The following GALNTL6 variants were observed in gnomAD, a reference collection of about 807,000 sequenced individuals.
GALNTL6 encodes the protein polypeptide N-acetylgalactosaminyltransferase-like 6.
A neutral mutation model predicts 73.7 loss-of-function variants in GALNTL6; 46 were observed. That is an observed-to-expected ratio of 0.62 (90% CI 0.49 to 0.80). The LOEUF is 0.80. Ranked by LOEUF, GALNTL6 falls within the 30% of genes least tolerant of loss-of-function variation. GALNTL6 has a pLI of 0.00. For synonymous variants in GALNTL6, 259 were observed against 263.7 expected (o/e 0.98, Z 0.17); for missense variants, 604 against 755.0 (o/e 0.80, Z 2.34).
chr4:171,914,091 A>G (rs939489550), intron 2 of GALNTL6, among the ~76,000 whole-genome samples: 2 of 152,178 alleles, frequency 1.3e-5, no homozygotes, highest in African/African-American at 2.4e-5. Flanking sequence ...ACAAAAGGAA[A>G]TAAAACACTA....
chr4:172,369,491 C>T (rs1032913556), intron 5 of GALNTL6, among the ~76,000 whole-genome samples: 13 of 152,296 alleles, frequency 8.5e-5, no homozygotes, highest in East Asian at 1.9e-4. Context: ...AGCCCTTGGG[C>T]GGTCGATGGG....
intron 5 of GALNTL6, among the ~76,000 whole-genome samples, chr4:172,508,491 T>G (rs1444300993): frequency 3.7e-5 from 2 of 54,004 alleles, no homozygotes; most frequent in African/African-American, 4.7e-5. Flanking sequence ...TGGTGATTTC[T>G]GAGATTTTGG....
intron 2 of GALNTL6, among the ~76,000 whole-genome samples, chr4:172,007,571 AAATT>A (rs1347216156): frequency 6.6e-5 from 10 of 152,148 alleles, no homozygotes; most frequent in Admixed American, 1.3e-4. Context: ...GTGAAAAAGA[AAATT>A]AATTAACAAC....
intron 2 of GALNTL6, among the ~76,000 whole-genome samples, chr4:171,828,270 C>T (rs1338646543): frequency 6.6e-6 from 1 of 152,174 alleles, no homozygotes; most frequent in Non-Finnish European, 1.5e-5. Flanking sequence ...ATGCTAATCA[C>T]TTGGAGAAGT....
chr4:172,023,895 G>C (rs1264124838), intron 2 of GALNTL6, among the ~76,000 whole-genome samples: 1 of 151,738 alleles, frequency 6.6e-6, no homozygotes, highest in African/African-American at 2.4e-5. Context: ...TTACTTAAAA[G>C]TATAATAATC....
At chr4:172,541,748 T>C (rs1474636325) in intron 5 of GALNTL6, among the ~76,000 whole-genome samples, 1 of 152,180 alleles carries the variant, frequency 6.6e-6, no homozygotes, top group African/African-American at 2.4e-5. Flanking sequence ...GCAGTGTGTT[T>C]ACCGAAGTTG....
intron 12 of GALNTL6, 119 bp downstream of exon 12, chr4:173,021,744 G>T: frequency 9.7e-7 from 1 of 1,033,780 alleles, no homozygotes; most frequent in Non-Finnish European, 1.4e-6. Context: ...CTGTAATCCT[G>T]GCACTCTGGG....
intron 7 of GALNTL6, among the ~76,000 whole-genome samples, chr4:172,844,054 G>A (rs116560658): frequency 0.01 from 1,559 of 152,212 alleles, 33 homozygotes; most frequent in African/African-American, 0.035. Context: ...GTGAGACTCC[G>A]TCTTGAAAAA....
intron 3 of GALNTL6, among the ~76,000 whole-genome samples, chr4:172,294,126 C>G (rs1739576108): frequency 6.6e-6 from 1 of 151,782 alleles, no homozygotes; most frequent in Non-Finnish European, 1.5e-5. Context: ...TCTTTTACTT[C>G]TTTATTGAAA....
intron 5 of GALNTL6, among the ~76,000 whole-genome samples, chr4:172,702,614 AC>A (rs1413712430): frequency 6.6e-6 from 1 of 151,888 alleles, no homozygotes; most frequent in Non-Finnish European, 1.5e-5. Context: ...GGGATTAGTG[AC>A]CTTATAAAAC....
intron 2 of GALNTL6, among the ~76,000 whole-genome samples, chr4:172,025,528 A>C (rs956527085): frequency 6.6e-6 from 1 of 152,008 alleles, no homozygotes; most frequent in African/African-American, 2.4e-5. Context: ...AATATTTATT[A>C]TACACTATTT....
Position 173,039,929 on chromosome 4 carries a change from C to T in GALNTL6, c.1639-4C>T, listed in dbSNP as rs1361974392. The T allele has an allele frequency of 1.2e-6, 2 of 1,610,772 alleles. No homozygotes were observed. The highest frequency in any genetic ancestry group is 1.7e-5 in the Admixed American group (1 of 59,396). Reference sequence around the variant, plus strand: ...GTCTTTTCTTTTCTTCCTCACTCCTCCAGGACAGAACATTATTCCATCCTG... The same window carrying T: ...GTCTTTTCTTTTCTTCCTCACTCCTTCAGGACAGAACATTATTCCATCCTG... On this transcript the variant is annotated splice_polypyrimidine_tract_variant and splice_region_variant and intron_variant, in intron 12 of 12. Coordinates refer to ENST00000506823, the MANE Select transcript of GALNTL6 (RefSeq NM_001034845.3).
At chr4:172,268,913 A>G (rs1421459971) in intron 3 of GALNTL6, among the ~76,000 whole-genome samples, 3 of 152,176 alleles carry the variant, frequency 2.0e-5, no homozygotes, top group African/African-American at 4.8e-5. Flanking sequence ...ACTGTGAGAA[A>G]TAAATTCCTG....
chr4:172,418,578 C>T (rs1579053914), intron 5 of GALNTL6, among the ~76,000 whole-genome samples: 1 of 152,118 alleles, frequency 6.6e-6, no homozygotes, highest in Non-Finnish European at 1.5e-5. Flanking sequence ...CCTAGATCAT[C>T]CAAATTACAA....
intron 7 of GALNTL6, among the ~76,000 whole-genome samples, chr4:172,859,228 A>G (rs1579574922): frequency 6.6e-6 from 1 of 152,314 alleles, no homozygotes; most frequent in Middle Eastern, 3.4e-3. Context: ...ACAAAGGAAC[A>G]GCAAGTTCCA....
At chr4:172,146,604 G>T (rs1322940215) in intron 2 of GALNTL6, among the ~76,000 whole-genome samples, 4 of 152,116 alleles carry the variant, frequency 2.6e-5, no homozygotes, top group Non-Finnish European at 5.9e-5. Context: ...AATAGCCTGA[G>T]ACTGTTTCCC....
chr4:172,233,436 T>C (rs2110975807), intron 3 of GALNTL6, among the ~76,000 whole-genome samples: 1 of 152,282 alleles, frequency 6.6e-6, no homozygotes, highest in Middle Eastern at 3.4e-3. Context: ...CACCTAGTCT[T>C]CATTTTTACA....
At chr4:172,900,146 A>C (rs1401442056) in intron 8 of GALNTL6, among the ~76,000 whole-genome samples, 2 of 152,178 alleles carry the variant, frequency 1.3e-5, no homozygotes, top group African/African-American at 4.8e-5. Context: ...ATCTGACAGA[A>C]GTACACACCA....
At position 172,878,829 on chromosome 4, in the gene GALNTL6, C is replaced by T. The variant is rs867829268; in HGVS notation, c.924-3961C>T. On this transcript the variant is annotated intron_variant, in intron 7 of 12. Transcript: ENST00000506823. Reference sequence around the variant, plus strand: ...TGATCTAAATAATCCAGTTGACATGCAAGATGCAAGTATATGTTACCTATA... The same window carrying T: ...TGATCTAAATAATCCAGTTGACATGTAAGATGCAAGTATATGTTACCTATA... Among the ~76,000 whole-genome samples the T allele has an allele frequency of 7.9e-5, 12 of 151,738 alleles. No homozygotes were observed. In the South Asian group the frequency reaches 2.5e-3, roughly 32 times the overall value.
Sources: gnomAD v4.1 joint callset for allele counts (sites outside exome capture counted in the v4.1 genomes callset) on GRCh38, gnomAD v4.1.1 for gene constraint, MANE v1.5 for transcripts, NCBI Gene and HGNC (gene_info 2026-07-23, HGNC 2026-07-21) for gene names.